The following LPP variants were observed in gnomAD, a reference collection of about 807,000 sequenced individuals.
LPP encodes LIM domain containing preferred translocation partner in lipoma.
In LPP, 38 loss-of-function variants were observed where a neutral mutation model predicts 60.4. That is an observed-to-expected ratio of 0.63 (90% CI 0.49 to 0.83). The LOEUF (loss-of-function observed/expected upper bound fraction) is 0.83. Ranked by LOEUF, LPP falls within the 40% of genes least tolerant of loss-of-function variation. The pLI is 0.00. For synonymous variants in LPP, 328 were observed against 290.8 expected, an observed-to-expected ratio of 1.13 and a Z score of -1.30; for missense variants, 902 against 783.6, an observed-to-expected ratio of 1.15 and a Z score of -1.80.
At chr3:188,841,553 A>C (rs1022850889) in intron 9 of LPP, among the ~76,000 whole-genome samples, 17 of 151,938 alleles carry the variant, frequency 1.1e-4, no homozygotes, top group Non-Finnish European at 2.1e-4. Context: ...CACCACGCCC[A>C]GCTAATTTTT....
At chr3:188,659,708 A>C (rs998498737) in intron 7 of LPP, among the ~76,000 whole-genome samples, 1 of 151,990 alleles carries the variant, frequency 6.6e-6, no homozygotes, top group Non-Finnish European at 1.5e-5. Context: ...GGATCTTGCT[A>C]TCAGCCTTCT....
chr3:188,446,089 T>A (rs1468426320), intron 4 of LPP, among the ~76,000 whole-genome samples: 1 of 152,240 alleles, frequency 6.6e-6, no homozygotes, highest in Non-Finnish European at 1.5e-5. Context: ...TCTTGCCACA[T>A]GTGTTCTATG....
intron 5 of LPP, among the ~76,000 whole-genome samples, chr3:188,518,203 TA>T (rs34651874): frequency 0.17 from 25,542 of 152,048 alleles, 2,368 homozygotes; most frequent in Non-Finnish European, 0.18. Flanking sequence ...TTTTGTTACT[TA>T]AAAAGCACAC....
intron 1 of LPP, among the ~76,000 whole-genome samples, chr3:188,161,185 A>G (rs2148697963): frequency 6.6e-6 from 1 of 152,202 alleles, no homozygotes; most frequent in African/African-American, 2.4e-5. Context: ...TATTATTATT[A>G]TATTTTGAGC....
At chr3:188,223,134 T>C (rs1716428086) in intron 1 of LPP, among the ~76,000 whole-genome samples, 1 of 152,340 alleles carries the variant, frequency 6.6e-6, no homozygotes, top group African/African-American at 2.4e-5. Flanking sequence ...GTGAGGGCAC[T>C]ACTAGGTGAT....
chr3:188,844,544 G>A (rs1178803414), intron 9 of LPP, among the ~76,000 whole-genome samples: 2 of 148,876 alleles, frequency 1.3e-5, no homozygotes, highest in Non-Finnish European at 2.9e-5. Context: ...TTTCTAGCTT[G>A]TGTTAAATCA....
At chr3:188,657,855 T>G (rs1853644739) in intron 7 of LPP, among the ~76,000 whole-genome samples, 1 of 152,230 alleles carries the variant, frequency 6.6e-6, no homozygotes, top group Non-Finnish European at 1.5e-5. Context: ...TAAATATGCA[T>G]GCTCATAGTA....
At chr3:188,500,865 T>C (rs1343252862) in intron 5 of LPP, among the ~76,000 whole-genome samples, 1 of 152,138 alleles carries the variant, frequency 6.6e-6, no homozygotes, top group African/African-American at 2.4e-5. Flanking sequence ...AAATCTTTTT[T>C]ATTTCTGTAG....
intron 2 of LPP, chr3:188,312,904 T>A (rs915142530): frequency 6.6e-6 from 1 of 152,078 alleles, no homozygotes; most frequent in Admixed American, 6.6e-5. Flanking sequence ...AAAGACCGCA[T>A]GTTCTTACTC....
At chr3:188,757,891 T>G (rs1204167518) in intron 8 of LPP, among the ~76,000 whole-genome samples, 1 of 142,926 alleles carries the variant, frequency 7.0e-6, no homozygotes, top group Admixed American at 7.0e-5. Flanking sequence ...TTTTTTTGGT[T>G]TTTTTTTTTT....
At chr3:188,815,179 A>T (rs1408880604) in intron 9 of LPP, among the ~76,000 whole-genome samples, 1 of 152,202 alleles carries the variant, frequency 6.6e-6, no homozygotes, top group Non-Finnish European at 1.5e-5. Flanking sequence ...AGTATTTGCC[A>T]TATGGATAAG....
chr3:188,810,540 C>T (rs899902269), intron 9 of LPP, among the ~76,000 whole-genome samples: 9 of 151,944 alleles, frequency 5.9e-5, no homozygotes, highest in African/African-American at 1.2e-4. Flanking sequence ...AATTGTTCTA[C>T]GTTATTATTA....
chr3:188,431,680 G>C (rs966157895), intron 4 of LPP, among the ~76,000 whole-genome samples: 8 of 152,072 alleles, frequency 5.3e-5, no homozygotes, highest in Non-Finnish European at 7.4e-5. Context: ...CATTCTTGAG[G>C]CCTATGTAAA....
intron 2 of LPP, among the ~76,000 whole-genome samples, chr3:188,296,894 T>C (rs1297746907): frequency 6.6e-6 from 1 of 152,070 alleles, no homozygotes; most frequent in Non-Finnish European, 1.5e-5. Flanking sequence ...AACTCAATAA[T>C]TGGGTAACTC....
chr3:188,159,668 C>T lies in LPP; in HGVS notation c.-190+5416C>T, dbSNP rs527673452. ...CCACAGGATAGCAATCATGGGGGAG[C>T]GGGACTGTTTTTACTGCCCCAGAAC... On this transcript the variant is annotated intron_variant, in intron 1 of 11. Coordinates refer to ENST00000617246, the MANE Select transcript of LPP (RefSeq NM_001375462.1). Among the ~76,000 whole-genome samples the T allele has an allele frequency of 9.2e-5, 14 of 152,232 alleles. No individual in the cohort carries two copies. In the South Asian group the frequency reaches 1.2e-3, roughly 14 times the overall value.
chr3:188,207,232 C>CTT (rs1255518977), intron 1 of LPP, among the ~76,000 whole-genome samples: 30 of 109,634 alleles, frequency 2.7e-4, no homozygotes, highest in African/African-American at 7.1e-4. Flanking sequence ...TTTTTCTTTT[C>CTT]TTTTTTTTTT....
At chr3:188,549,028 A>G (rs1250251181) in intron 6 of LPP, among the ~76,000 whole-genome samples, 2 of 152,212 alleles carry the variant, frequency 1.3e-5, no homozygotes, top group African/African-American at 4.8e-5. Context: ...TAATGTTTTC[A>G]ACACAAAGGA....
rs551078368 is a variant in LPP at position 188,829,268 on chromosome 3, G to A, written c.1411-36932G>A. 4.1e-4 allele frequency among the ~76,000 whole-genome samples: 63 copies of A among 152,068 alleles called. 1 individual carries two copies. Among genetic ancestry groups the A allele is most frequent in the Middle Eastern group, 3.4e-3 (1 of 294 alleles). ...ATCACCATACCTTCCCACCTCTTAC[G>A]GGAATACCGAACTAATGGTCCTTGT... On this transcript the variant is annotated intron_variant, in intron 9 of 11. Coordinates refer to ENST00000617246, the MANE Select transcript of LPP (RefSeq NM_001375462.1).
intron 8 of LPP, among the ~76,000 whole-genome samples, chr3:188,753,905 C>T (rs142665120): frequency 2.0e-5 from 3 of 152,194 alleles, no homozygotes; most frequent in Admixed American, 6.5e-5. Context: ...ATCAGATATA[C>T]ACAAGCACAG....
Sources: gnomAD v4.1 joint callset for allele counts (sites outside exome capture counted in the v4.1 genomes callset) on GRCh38, gnomAD v4.1.1 for gene constraint, MANE v1.5 for transcripts, NCBI Gene and HGNC (gene_info 2026-07-23, HGNC 2026-07-21) for gene names.